The following MFHAS1 variants were observed in gnomAD, a reference collection of about 807,000 sequenced individuals.
The protein encoded by MFHAS1 is multifunctional ROCO family signaling regulator 1.
In MFHAS1, 50 loss-of-function variants were observed where a neutral mutation model predicts 70.4. The observed-to-expected ratio is 0.71, with a 90% CI of 0.57 to 0.90. MFHAS1 has a LOEUF of 0.90. MFHAS1 is among the 40% of genes least tolerant of loss of function. The pLI, the probability that MFHAS1 is intolerant of heterozygous loss-of-function variation, is 0.00. For missense variants in MFHAS1, 1,795 were observed against 1,347.6 expected, an observed-to-expected ratio of 1.33 and a Z score of -5.20; for synonymous variants, 952 against 620.0, an observed-to-expected ratio of 1.54 and a Z score of -7.96.
intron 1 of MFHAS1, among the ~76,000 whole-genome samples, chr8:8,842,088 G>A (rs574507327): frequency 4.6e-5 from 7 of 152,158 alleles, no homozygotes; most frequent in East Asian, 1.9e-4. Context: ...CTTAGTAACC[G>A]GACAGCCTGC....
At chr8:8,861,743 A>C (rs1808669235) in intron 1 of MFHAS1, among the ~76,000 whole-genome samples, 1 of 152,108 alleles carries the variant, frequency 6.6e-6, no homozygotes, top group African/African-American at 2.4e-5. Context: ...TCCCTTCCCC[A>C]TACCACCGGC....
At chr8:8,859,217 G>A (rs1808570094) in intron 1 of MFHAS1, among the ~76,000 whole-genome samples, 2 of 152,174 alleles carry the variant, frequency 1.3e-5, no homozygotes, top group African/African-American at 4.8e-5. Context: ...AGTGGCACAC[G>A]CCTGTAGTCC....
intron 1 of MFHAS1, among the ~76,000 whole-genome samples, chr8:8,823,954 CAGGGA>C (rs539462151): frequency 7.2e-6 from 1 of 139,588 alleles, no homozygotes; most frequent in African/African-American, 2.6e-5. Flanking sequence ...GATTTCCCTA[CAGGGA>C]AGAAAACAAC....
chr8:8,875,012 A>G (rs1382799995), intron 1 of MFHAS1, among the ~76,000 whole-genome samples: 3 of 152,174 alleles, frequency 2.0e-5, no homozygotes, highest in African/African-American at 7.2e-5. Context: ...AAACGTTCAC[A>G]TCCACTAGTT....
intron 1 of MFHAS1, among the ~76,000 whole-genome samples, chr8:8,849,022 A>G (rs577851862): frequency 8.6e-5 from 13 of 150,796 alleles, no homozygotes; most frequent in Non-Finnish European, 1.8e-4. Context: ...GTAAAGGTAC[A>G]CAATGCAAAG....
At chr8:8,804,777 G>A (rs1007923756) in intron 1 of MFHAS1, among the ~76,000 whole-genome samples, 4 of 152,224 alleles carry the variant, frequency 2.6e-5, no homozygotes, top group African/African-American at 4.8e-5. Context: ...CGCCAGGGAA[G>A]CCGTGCCAGG....
rs553404333 is a variant in MFHAS1 at position 8,784,340 on chromosome 8, T to A, written c.*1682A>T. The A allele has an allele frequency of 6.6e-6, 1 of 152,234 alleles. No homozygotes were observed. The highest frequency in any genetic ancestry group is 6.5e-5 in the Admixed American group (1 of 15,294). The allele number at this position is 152,234 out of a possible 1,614,324, so 9.4% of individuals were successfully genotyped here. A position where few individuals can be genotyped will look rare whatever the true frequency, so the allele number is the denominator to read the frequency against. On this transcript the variant is annotated 3_prime_UTR_variant, in exon 3 of 3. Transcript: ENST00000276282. Reference sequence around the variant, plus strand: ...CACACGAGAACTGTGACAAAAGGATTCACCAGATTAATCTTGTGACTGTGT... The same window carrying A: ...CACACGAGAACTGTGACAAAAGGATACACCAGATTAATCTTGTGACTGTGT...
chr8:8,797,288 C>G, intron 2 of MFHAS1, 77 bp downstream of exon 2: 1 of 1,551,096 alleles, frequency 6.4e-7, no homozygotes, highest in Non-Finnish European at 8.8e-7. Context: ...GCAGTTTAAC[C>G]TGGATTTTTG....
intron 1 of MFHAS1, among the ~76,000 whole-genome samples, chr8:8,858,292 A>G (rs1808521633): frequency 6.6e-6 from 1 of 152,218 alleles, no homozygotes; most frequent in Admixed American, 6.5e-5. Context: ...TGTATGACAT[A>G]AATTTTGCTT....
chr8:8,883,683 G>A (rs1417153275), intron 1 of MFHAS1, among the ~76,000 whole-genome samples: 1 of 133,220 alleles, frequency 7.5e-6, no homozygotes, highest in Non-Finnish European at 1.5e-5. Context: ...ACTCCAGCCT[G>A]GGCAACAGAG....
intron 1 of MFHAS1, among the ~76,000 whole-genome samples, chr8:8,798,360 T>A (rs1563178797): frequency 1.3e-5 from 2 of 152,114 alleles, no homozygotes; most frequent in African/African-American, 4.8e-5. Flanking sequence ...GGCTCTTGGT[T>A]TGTCACCCAG....
At chr8:8,838,926 A>G (rs1563198114) in intron 1 of MFHAS1, among the ~76,000 whole-genome samples, 1 of 152,170 alleles carries the variant, frequency 6.6e-6, no homozygotes, top group Non-Finnish European at 1.5e-5. Flanking sequence ...AATGACAACT[A>G]AGCAAAGGCA....
chr8:8,784,896 C>T lies in MFHAS1; in HGVS notation c.*1126G>A, dbSNP rs375575528. ...TTTTAAAACAAGGGTATTACTAGTT[C>T]TTGGCAGGAGACCGTCCAATCAGAG... On this transcript the variant is annotated 3_prime_UTR_variant, in exon 3 of 3. Transcript: ENST00000276282. 1 of 152,154 alleles carries T rather than the reference C, an allele frequency of 6.6e-6. No individual in the cohort carries two copies. Among genetic ancestry groups the T allele is most frequent in the East Asian group, 1.9e-4 (1 of 5,200 alleles). The allele number at this position is 152,154 out of a possible 1,614,324, so 9.4% of individuals were successfully genotyped here.
rs143685943 is a variant in MFHAS1 at position 8,784,950 on chromosome 8, G to T, written c.*1072C>A. The T allele has an allele frequency of 6.6e-6, 1 of 152,130 alleles. No homozygotes were observed. Among genetic ancestry groups the T allele is most frequent in the African/African-American group, 2.4e-5 (1 of 41,424 alleles). 9.4% of individuals were successfully genotyped at this position (152,130 alleles called of 1,614,324 possible). A position where few individuals can be genotyped will look rare whatever the true frequency, so the allele number is the denominator to read the frequency against. On this transcript the variant is annotated 3_prime_UTR_variant, in exon 3 of 3. Transcript: ENST00000276282. ...CTGTATTTATAAATAACCCGTGTGGGATTATGCTCTCCAGTGAATGTAACT... is the reference window on the plus strand; with the variant it reads ...CTGTATTTATAAATAACCCGTGTGGTATTATGCTCTCCAGTGAATGTAACT...
At chr8:8,804,488 G>A (rs1316082508) in intron 1 of MFHAS1, among the ~76,000 whole-genome samples, 1 of 152,232 alleles carries the variant, frequency 6.6e-6, no homozygotes, top group Admixed American at 6.5e-5. Context: ...AGTCTTAGCA[G>A]TCACAGAGTA....
intron 1 of MFHAS1, among the ~76,000 whole-genome samples, chr8:8,837,850 A>AGAAT (rs1807659297): frequency 6.6e-6 from 1 of 152,216 alleles, no homozygotes; most frequent in Non-Finnish European, 1.5e-5. Context: ...TACAACCGCT[A>AGAAT]CAGAAAACAG....
intron 1 of MFHAS1, among the ~76,000 whole-genome samples, chr8:8,827,790 G>C (rs1807219408): frequency 6.6e-6 from 1 of 151,894 alleles, no homozygotes; most frequent in African/African-American, 2.4e-5. Context: ...ACACGCTTTG[G>C]GGGGAAAAAA....
chr8:8,883,504 T>A (rs1332192951), intron 1 of MFHAS1, among the ~76,000 whole-genome samples: 1 of 150,966 alleles, frequency 6.6e-6, no homozygotes, highest in African/African-American at 2.4e-5. Flanking sequence ...GGTCAGGAGT[T>A]CAAGACGAGC....
At chr8:8,788,717 C>A (rs983845758) in intron 2 of MFHAS1, among the ~76,000 whole-genome samples, 1 of 152,190 alleles carries the variant, frequency 6.6e-6, no homozygotes, top group Non-Finnish European at 1.5e-5. Flanking sequence ...ACATGAAGAA[C>A]AGAGTGACTG....
Sources: allele counts gnomAD v4.1 joint callset (sites outside exome capture counted in the v4.1 genomes callset), GRCh38; gene constraint gnomAD v4.1.1; transcripts MANE v1.5; gene names NCBI Gene and HGNC (gene_info 2026-07-23, HGNC 2026-07-21).